The following CPED1 variants were observed in gnomAD, a reference collection of about 807,000 sequenced individuals.
CPED1 encodes the protein cadherin like and PC-esterase domain containing 1, also known as cadherin-like and PC-esterase domain-containing protein 1.
Under a neutral mutation model 128.2 loss-of-function variants are expected in CPED1, and 114 were observed. That is an observed-to-expected ratio of 0.89 (90% CI 0.76 to 1.04). CPED1 has a LOEUF of 1.04. Ranked by LOEUF, CPED1 falls within the 50% of genes least tolerant of loss-of-function variation. CPED1 has a pLI of 0.00. For missense variants in CPED1, 1,211 were observed against 1,207.1 expected, an observed-to-expected ratio of 1.00 and a Z score of -0.05; for synonymous variants, 462 against 426.7, an observed-to-expected ratio of 1.08 and a Z score of -1.02.
intron 17 of CPED1, among the ~76,000 whole-genome samples, chr7:121,241,593 A>G (rs1222643303): frequency 6.6e-6 from 1 of 151,692 alleles, no homozygotes; most frequent in African/African-American, 2.4e-5. Flanking sequence ...CTTCTGGCTC[A>G]CTCCTGTCAG....
intron 6 of CPED1, among the ~76,000 whole-genome samples, chr7:121,099,517 G>T (rs1041281293): frequency 2.6e-5 from 4 of 152,094 alleles, no homozygotes; most frequent in Non-Finnish European, 4.4e-5. Context: ...ACAGGCCCAT[G>T]CCACCATGCC....
In CPED1 at chr7:121,161,071, C is replaced by CT. The variant is rs368123168; in HGVS notation, c.2055+18937dup. Among the ~76,000 whole-genome samples the CT allele has an allele frequency of 5.8e-3, 884 of 152,230 alleles. 9 individuals carry two copies. Among genetic ancestry groups the CT allele is most frequent in the African/African-American group, 0.019 (783 of 41,552 alleles). ...CACCACCTCCAACCCTTCCGTGTTA[C>CT]TTTTTTTATTGCTGTGCAACAAATT... On this transcript the variant is annotated intron_variant, in intron 16 of 22. Coordinates refer to ENST00000310396, the MANE Select transcript of CPED1 (RefSeq NM_024913.5).
At chr7:121,248,613 A>AG (rs397935880) in intron 18 of CPED1, among the ~76,000 whole-genome samples, 3 of 151,266 alleles carry the variant, frequency 2.0e-5, no homozygotes, top group Non-Finnish European at 4.4e-5. Flanking sequence ...AAAAAAAAAA[A>AG]GCATTAAGCC....
At chr7:121,056,873 A>G (rs1028414152) in intron 4 of CPED1, among the ~76,000 whole-genome samples, 1 of 152,242 alleles carries the variant, frequency 6.6e-6, no homozygotes, top group Non-Finnish European at 1.5e-5. Flanking sequence ...GTCAGAGTAT[A>G]TAGGCTACTC....
intron 2 of CPED1, among the ~76,000 whole-genome samples, chr7:121,009,513 G>T (rs951178455): frequency 2.0e-5 from 3 of 151,682 alleles, no homozygotes; most frequent in African/African-American, 7.3e-5. Context: ...AGGCTGAGAT[G>T]GGAGGATGGC....
chr7:121,154,110 G>A (rs1414829659), intron 16 of CPED1, among the ~76,000 whole-genome samples: 1 of 152,212 alleles, frequency 6.6e-6, no homozygotes, highest in Non-Finnish European at 1.5e-5. Flanking sequence ...ACTGTAGTAT[G>A]TACTGTGCTA....
At chr7:121,235,055 A>G (rs532665040) in intron 16 of CPED1, among the ~76,000 whole-genome samples, 36 of 152,278 alleles carry the variant, frequency 2.4e-4, no homozygotes, top group Non-Finnish European at 4.3e-4. Flanking sequence ...TTAGCAATGT[A>G]TAATGGTAAC....
intron 5 of CPED1, 114 bp downstream of exon 5, chr7:121,064,427 C>T (rs924603463): frequency 4.1e-5 from 29 of 702,728 alleles, no homozygotes; most frequent in Non-Finnish European, 6.0e-5. Flanking sequence ...TCTATCAATT[C>T]GGCAATCACA....
intron 22 of CPED1, among the ~76,000 whole-genome samples, chr7:121,284,173 G>A (rs1233184510): frequency 6.6e-6 from 1 of 152,198 alleles, no homozygotes; most frequent in African/African-American, 2.4e-5. Flanking sequence ...AGTACAGAGT[G>A]AAGTGGGGGA....
At chr7:121,273,845 G>C (rs565945700) in intron 22 of CPED1, among the ~76,000 whole-genome samples, 28 of 152,196 alleles carry the variant, frequency 1.8e-4, no homozygotes, top group African/African-American at 6.7e-4. Flanking sequence ...CAAAAGTCAA[G>C]ACTTAGAAAT....
At chr7:121,117,713 A>T (rs1795287131) in intron 7 of CPED1, among the ~76,000 whole-genome samples, 1 of 152,060 alleles carries the variant, frequency 6.6e-6, no homozygotes. Context: ...GCACATGGAC[A>T]ATTTTGAGAG....
chr7:121,042,149 A>T (rs746932638), intron 3 of CPED1, among the ~76,000 whole-genome samples: 1 of 152,136 alleles, frequency 6.6e-6, no homozygotes, highest in Non-Finnish European at 1.5e-5. Context: ...AAAAACTAAG[A>T]AAGTTTTAAG....
At chr7:121,157,611 G>C (rs543615767) in intron 16 of CPED1, among the ~76,000 whole-genome samples, 155 of 152,186 alleles carry the variant, frequency 1.0e-3, no homozygotes, top group African/African-American at 3.5e-3. Context: ...CTGCATATCA[G>C]TAAACCTCAA....
At chr7:121,162,230 A>G (rs1428161154) in intron 16 of CPED1, among the ~76,000 whole-genome samples, 1 of 152,272 alleles carries the variant, frequency 6.6e-6, no homozygotes, top group African/African-American at 2.4e-5. Context: ...AAATGTGAAC[A>G]GCAACTGCTC....
chr7:120,995,151 A>C (rs1178321807), intron 2 of CPED1, among the ~76,000 whole-genome samples: 1 of 152,206 alleles, frequency 6.6e-6, no homozygotes, highest in Non-Finnish European at 1.5e-5. Context: ...CTTCAGAGAA[A>C]CTGTAACTGG....
intron 5 of CPED1, among the ~76,000 whole-genome samples, chr7:121,077,443 ATGAATTTAG>A (rs1307938007): frequency 6.6e-6 from 1 of 152,126 alleles, no homozygotes; most frequent in Non-Finnish European, 1.5e-5. Flanking sequence ...AAAGCAAAAA[ATGAATTTAG>A]TGAAATTACA....
At chr7:121,224,472 G>A (rs1172248608) in intron 16 of CPED1, among the ~76,000 whole-genome samples, 4 of 152,126 alleles carry the variant, frequency 2.6e-5, no homozygotes, top group African/African-American at 9.7e-5. Flanking sequence ...ATGTCTGTTA[G>A]TTCTGCTTGG....
intron 16 of CPED1, among the ~76,000 whole-genome samples, chr7:121,187,926 T>A (rs1797040582): frequency 6.6e-6 from 1 of 152,134 alleles, no homozygotes; most frequent in African/African-American, 2.4e-5. Context: ...ATGAGGAAGT[T>A]CACAGGACTT....
chr7:121,092,241 G>A (rs867663552), intron 5 of CPED1, among the ~76,000 whole-genome samples: 13 of 152,164 alleles, frequency 8.5e-5, no homozygotes, highest in African/African-American at 3.1e-4. Flanking sequence ...TTGTGGTAGC[G>A]AGAGAAAACC....
Sources: allele counts gnomAD v4.1 joint callset (sites outside exome capture counted in the v4.1 genomes callset), GRCh38; gene constraint gnomAD v4.1.1; transcripts MANE v1.5; gene names NCBI Gene and HGNC (gene_info 2026-07-23, HGNC 2026-07-21).